ADAM10: variants seen among roughly 807,000 people sequenced by gnomAD.
The protein encoded by ADAM10 is disintegrin and metalloproteinase domain-containing protein 10.
Under a neutral mutation model 90.1 loss-of-function variants are expected in ADAM10, and 17 were observed. That is an observed-to-expected ratio of 0.19 (90% confidence interval 0.13 to 0.28). The LOEUF (loss-of-function observed/expected upper bound fraction) is 0.28. Among genes scored for constraint, ADAM10 ranks in the 10% least tolerant of loss-of-function variants. ADAM10 has a pLI of 1.00. For missense variants in ADAM10, 610 were observed against 914.3 expected, an observed-to-expected ratio of 0.67 and a Z score of 4.29; for synonymous variants, 310 against 298.6, an observed-to-expected ratio of 1.04 and a Z score of -0.40.
intron 2 of ADAM10, among the ~76,000 whole-genome samples, chr15:58,708,841 A>T (rs1898385533): frequency 2.0e-5 from 3 of 152,228 alleles, no homozygotes; most frequent in African/African-American, 7.2e-5. Flanking sequence ...CACACAAATT[A>T]ACAACTTTAT....
chr15:58,655,721 A>AG lies in ADAM10; in HGVS notation c.585+9375_585+9376insC, dbSNP rs1487094746. Among the ~76,000 whole-genome samples the AG allele has an allele frequency of 5.6e-4, 45 of 80,536 alleles. 5 individuals are homozygous for AG. The highest frequency in any genetic ancestry group is 2.0e-3 in the African/African-American group (41 of 20,896). 52.8% of individuals were successfully genotyped at this position (80,536 alleles called of 152,430 possible). ...GTATATATATATATAGTATATATAT[A>AG]TATATATATATATATATATTCTTTT... is the stretch of plus-strand genomic sequence containing the variant. On this transcript the variant is annotated intron_variant, in intron 5 of 15. Coordinates refer to ENST00000260408, the MANE Select transcript of ADAM10 (RefSeq NM_001110.4).
intron 14 of ADAM10, chr15:58,609,240 G>T (rs928428562): frequency 5.3e-5 from 8 of 152,100 alleles, no homozygotes; most frequent in African/African-American, 2.4e-5. Context: ...CATGTTTTAA[G>T]GAAACCTAAG....
At chr15:58,705,452 C>A (rs866159159) in intron 2 of ADAM10, among the ~76,000 whole-genome samples, 34 of 152,250 alleles carry the variant, frequency 2.2e-4, no homozygotes, top group African/African-American at 7.5e-4. Flanking sequence ...ATCAGTTTAA[C>A]AAATGATAGC....
intron 2 of ADAM10, among the ~76,000 whole-genome samples, chr15:58,696,466 CT>C (rs1270864897): frequency 2.5e-4 from 36 of 143,724 alleles, no homozygotes; most frequent in African/African-American, 2.4e-4. Flanking sequence ...TTCTTTCTTT[CT>C]TTTTTTTTTT....
intron 2 of ADAM10, chr15:58,693,155 A>G: frequency 1.4e-6 from 1 of 732,172 alleles, no homozygotes; most frequent in East Asian, 2.6e-5. Flanking sequence ...TAAAAGGCAA[A>G]AGTCGCCACC....
rs112175395 is a variant in ADAM10 at position 58,725,162 on chromosome 15, C to G, written c.56-7435G>C. 3.5e-3 allele frequency among the ~76,000 whole-genome samples: 528 copies of G among 151,904 alleles called. 5 individuals are homozygous for G. Among genetic ancestry groups the G allele is most frequent in the African/African-American group, 0.012 (507 of 41,408 alleles). ...CTATGATCGTGCCACCACACTCCAGCCTGGGCAACAGAGCAAGACCCTGTC... is the reference window on the plus strand; with the variant it reads ...CTATGATCGTGCCACCACACTCCAGGCTGGGCAACAGAGCAAGACCCTGTC... On this transcript the variant is annotated intron_variant, in intron 1 of 15. Transcript: ENST00000260408.
At chr15:58,614,883 A>T (rs1895557131) in intron 11 of ADAM10, among the ~76,000 whole-genome samples, 1 of 152,220 alleles carries the variant, frequency 6.6e-6, no homozygotes, top group Admixed American at 6.5e-5. Flanking sequence ...TACAAATGAG[A>T]AAAAGAAGAG....
chr15:58,608,348 T>A (rs1895334669), intron 14 of ADAM10, among the ~76,000 whole-genome samples: 1 of 152,188 alleles, frequency 6.6e-6, no homozygotes, highest in Non-Finnish European at 1.5e-5. Flanking sequence ...TCTGTATTAC[T>A]AACTGGAAGG....
intron 7 of ADAM10, among the ~76,000 whole-genome samples, chr15:58,642,419 T>C (rs1209415821): frequency 3.3e-5 from 5 of 151,588 alleles, no homozygotes; most frequent in Admixed American, 6.6e-5. Context: ...GAGCCGAGAT[T>C]GCGCCACTGA....
At chr15:58,604,290 G>C (rs1160547410) in intron 14 of ADAM10, among the ~76,000 whole-genome samples, 1 of 152,206 alleles carries the variant, frequency 6.6e-6, no homozygotes, top group East Asian at 1.9e-4. Context: ...GAACCTGGGA[G>C]ACGGTGGTTG....
intron 2 of ADAM10, among the ~76,000 whole-genome samples, chr15:58,700,555 A>C (rs1481905702): frequency 2.0e-5 from 3 of 152,184 alleles, no homozygotes; most frequent in Admixed American, 2.0e-4. Context: ...ACGACATACC[A>C]AAATCCATGG....
At chr15:58,638,654 C>A (rs1356435072) in intron 8 of ADAM10, among the ~76,000 whole-genome samples, 3 of 151,390 alleles carry the variant, frequency 2.0e-5, no homozygotes, top group African/African-American at 7.3e-5. Flanking sequence ...AAGTAACATG[C>A]CCCACCATTT....
At chr15:58,730,194 T>G (rs1899190574) in intron 1 of ADAM10, among the ~76,000 whole-genome samples, 1 of 152,116 alleles carries the variant, frequency 6.6e-6, no homozygotes, top group South Asian at 2.1e-4. Flanking sequence ...TAACAATACA[T>G]TAATAGGGAT....
intron 5 of ADAM10, among the ~76,000 whole-genome samples, chr15:58,647,748 T>C (rs532427306): frequency 5.9e-5 from 9 of 152,152 alleles, no homozygotes; most frequent in African/African-American, 2.2e-4. Flanking sequence ...GACGGAGGTC[T>C]TCCTATGTTG....
rs765482357 is a variant in ADAM10 at position 58,736,847 on chromosome 15, T to C, written c.55+12633A>G. ...AAAACAGATCCTTTATCAAATTTTA[T>C]GTAATCCTAGCACTTTGGGAAGTCG... On this transcript the variant is annotated intron_variant, in intron 1 of 15. Transcript: ENST00000260408. Among the ~76,000 whole-genome samples the C allele has an allele frequency of 2.6e-5, 4 of 152,086 alleles. No individual in the cohort carries two copies. In the South Asian group the frequency reaches 6.2e-4, roughly 24 times the overall value.
chr15:58,666,731 G>C (rs536616913), intron 4 of ADAM10, among the ~76,000 whole-genome samples: 1 of 152,154 alleles, frequency 6.6e-6, no homozygotes, highest in South Asian at 2.1e-4. Flanking sequence ...AAAAGAATTA[G>C]TGTTTTATTT....
chr15:58,694,408 G>T (rs533123010), intron 2 of ADAM10, among the ~76,000 whole-genome samples: 4 of 151,878 alleles, frequency 2.6e-5, no homozygotes, highest in East Asian at 1.9e-4. Flanking sequence ...CCGAGATCAC[G>T]ACACTGCACT....
chr15:58,684,251 C>T (rs1897526567), intron 2 of ADAM10, among the ~76,000 whole-genome samples: 2 of 152,178 alleles, frequency 1.3e-5, no homozygotes, highest in South Asian at 2.1e-4. Flanking sequence ...TGACCTTTGT[C>T]CCCAGTTCCT....
At chr15:58,712,213 C>A (rs567639537) in intron 2 of ADAM10, among the ~76,000 whole-genome samples, 1 of 151,928 alleles carries the variant, frequency 6.6e-6, no homozygotes, top group Non-Finnish European at 1.5e-5. Flanking sequence ...ACAAAAACCA[C>A]GTAAGAAAAA....
Sources: gnomAD v4.1 joint callset for allele counts (sites outside exome capture counted in the v4.1 genomes callset) on GRCh38, gnomAD v4.1.1 for gene constraint, MANE v1.5 for transcripts, NCBI Gene and HGNC (gene_info 2026-07-23, HGNC 2026-07-21) for gene names.